The following GRID2 variants were observed in gnomAD, a reference collection of about 807,000 sequenced individuals.
GRID2 encodes glutamate ionotropic receptor delta type subunit 2, also known as glutamate receptor ionotropic, delta-2.
GRID2 carries 33 observed loss-of-function variants against 114.8 expected under a neutral mutation model. The ratio of observed to expected loss-of-function variants is 0.29; its 90% CI spans 0.22 to 0.38. The LOEUF (loss-of-function observed/expected upper bound fraction) is 0.38. Among genes scored for constraint, GRID2 ranks in the 10% least tolerant of loss-of-function variants. The probability of loss-of-function intolerance (pLI) is 1.00; values close to 1 mark genes in which losing one functional copy is unlikely to be tolerated. For synonymous variants in GRID2, 505 were observed against 449.9 expected, an observed-to-expected ratio of 1.12 and a Z score of -1.55; for missense variants, 1,184 against 1,257.7, an observed-to-expected ratio of 0.94 and a Z score of 0.89.
intron 14 of GRID2, among the ~76,000 whole-genome samples, chr4:93,629,317 T>G (rs773819980): frequency 1.2e-4 from 18 of 152,150 alleles, no homozygotes; most frequent in Non-Finnish European, 2.4e-4. Context: ...CTGTGGAGTT[T>G]CTTGGTAACG....
intron 1 of GRID2, among the ~76,000 whole-genome samples, chr4:92,524,829 C>CT (rs1309820287): frequency 3.3e-5 from 5 of 151,890 alleles, no homozygotes; most frequent in African/African-American, 1.2e-4. Flanking sequence ...AAACCAATGT[C>CT]TTGCCTATGA....
At chr4:92,361,354 G>A (rs778299548) in intron 1 of GRID2, among the ~76,000 whole-genome samples, 15 of 151,926 alleles carry the variant, frequency 9.9e-5, no homozygotes, top group Non-Finnish European at 1.6e-4. Context: ...TCTACGTGAA[G>A]ACAGTGTATC....
At chr4:92,858,071 C>G (rs141263371) in intron 2 of GRID2, among the ~76,000 whole-genome samples, 1 of 152,152 alleles carries the variant, frequency 6.6e-6, no homozygotes, top group Non-Finnish European at 1.5e-5. Context: ...GTTCAGAAAA[C>G]AAAATTCCTT....
intron 2 of GRID2, among the ~76,000 whole-genome samples, chr4:92,820,869 G>T (rs772531488): frequency 3.2e-4 from 48 of 151,954 alleles, no homozygotes; most frequent in African/African-American, 1.1e-3. Flanking sequence ...CTATTCTCTT[G>T]TATCTGTATA....
intron 13 of GRID2, among the ~76,000 whole-genome samples, chr4:93,614,811 G>A (rs1560821378): frequency 6.6e-6 from 1 of 151,988 alleles, no homozygotes; most frequent in Non-Finnish European, 1.5e-5. Context: ...TTTTTAAAAG[G>A]GGAACATAAA....
At chr4:92,764,254 T>C (rs2046015) in intron 2 of GRID2, among the ~76,000 whole-genome samples, 94,222 of 152,018 alleles carry the variant, frequency 0.62, 31,048 homozygotes, top group African/African-American at 0.84. Context: ...GCCATTTGTT[T>C]GCCTGGTCAA....
rs1161311353 is a variant in GRID2 at position 92,884,933 on chromosome 4, C to G, written c.245-200062C>G. On this transcript the variant is annotated intron_variant, in intron 2 of 15. Coordinates refer to ENST00000282020, the MANE Select transcript of GRID2 (RefSeq NM_001510.4). ...TGATAAGCTGGTGACATTTGGTCTC[C>G]CCAAAAAAAAAAAATCGCATCTAAA... The G allele has an allele frequency of 4.5e-5, 15 of 335,764 alleles. No individual in the cohort carries two copies. In the Admixed American group the frequency reaches 6.0e-4, roughly 13 times the overall value. 20.8% of individuals were successfully genotyped at this position (335,764 alleles called of 1,614,324 possible).
At chr4:93,093,772 G>C (rs913291215) in intron 3 of GRID2, among the ~76,000 whole-genome samples, 1 of 151,862 alleles carries the variant, frequency 6.6e-6, no homozygotes, top group Admixed American at 6.6e-5. Context: ...ATATTGATAC[G>C]TGCCTAGGGT....
At chr4:92,806,337 G>T (rs1296878003) in intron 2 of GRID2, among the ~76,000 whole-genome samples, 1 of 151,670 alleles carries the variant, frequency 6.6e-6, no homozygotes, top group East Asian at 1.9e-4. Flanking sequence ...CTGGAGACTT[G>T]TGGTTATATT....
chr4:93,065,587 A>C (rs988596591), intron 2 of GRID2, among the ~76,000 whole-genome samples: 2 of 151,898 alleles, frequency 1.3e-5, no homozygotes, highest in African/African-American at 2.4e-5. Flanking sequence ...AAGAGATGTG[A>C]GATAGGAACA....
intron 9 of GRID2, among the ~76,000 whole-genome samples, chr4:93,407,061 C>G (rs530586407): frequency 9.9e-4 from 151 of 152,236 alleles, no homozygotes; most frequent in African/African-American, 3.6e-3. Context: ...TTTCCTGTCC[C>G]TCCCAAAATG....
chr4:92,654,891 G>A (rs984043455), intron 2 of GRID2, among the ~76,000 whole-genome samples: 1 of 151,936 alleles, frequency 6.6e-6, no homozygotes, highest in Non-Finnish European at 1.5e-5. Flanking sequence ...CTTTGAAGAA[G>A]CTTTTTAGTT....
intron 1 of GRID2, among the ~76,000 whole-genome samples, chr4:92,381,840 A>C (rs1448195262): frequency 6.6e-6 from 1 of 151,952 alleles, no homozygotes; most frequent in Non-Finnish European, 1.5e-5. Context: ...CTGTGGTTTT[A>C]ATTTTGGCAA....
intron 2 of GRID2, among the ~76,000 whole-genome samples, chr4:92,688,959 C>A (rs1734052564): frequency 1.3e-5 from 2 of 152,072 alleles, no homozygotes; most frequent in East Asian, 3.9e-4. Context: ...TCATGGGCTG[C>A]AGAATGGGTG....
At chr4:92,995,641 GTAT>G (rs376233016) in intron 2 of GRID2, among the ~76,000 whole-genome samples, 12 of 152,162 alleles carry the variant, frequency 7.9e-5, no homozygotes, top group African/African-American at 2.9e-4. Flanking sequence ...AAATGTAATA[GTAT>G]TAATGTATTC....
intron 8 of GRID2, among the ~76,000 whole-genome samples, chr4:93,268,559 G>A (rs1751104463): frequency 1.3e-5 from 2 of 152,066 alleles, no homozygotes; most frequent in South Asian, 4.2e-4. Flanking sequence ...TAGGTCAAAT[G>A]GGGCCTCCCA....
At chr4:92,688,754 T>C (rs953282318) in intron 2 of GRID2, among the ~76,000 whole-genome samples, 1 of 152,196 alleles carries the variant, frequency 6.6e-6, no homozygotes, top group African/African-American at 2.4e-5. Flanking sequence ...AAACTTCTTT[T>C]AATGTTGATA....
intron 2 of GRID2, among the ~76,000 whole-genome samples, chr4:92,840,231 G>A (rs1027141097): frequency 1.3e-5 from 2 of 151,804 alleles, no homozygotes; most frequent in South Asian, 4.2e-4. Flanking sequence ...TGTGTCTCTT[G>A]TATTCAACAG....
At chr4:92,324,031 A>C (rs1579180675) in intron 1 of GRID2, among the ~76,000 whole-genome samples, 1 of 152,092 alleles carries the variant, frequency 6.6e-6, no homozygotes, top group Non-Finnish European at 1.5e-5. Context: ...ATTACATGGG[A>C]TCCATTTTTA....
Sources: allele counts gnomAD v4.1 joint callset (sites outside exome capture counted in the v4.1 genomes callset), GRCh38; gene constraint gnomAD v4.1.1; transcripts MANE v1.5; gene names NCBI Gene and HGNC (gene_info 2026-07-23, HGNC 2026-07-21).